Variants in AFF1 observed in about 807,000 individuals in gnomAD.
The protein encoded by AFF1 is ALF transcription elongation factor 1.
In AFF1, 48 loss-of-function variants were observed where a neutral mutation model predicts 121.7. The ratio of observed to expected loss-of-function variants is 0.39; its 90% CI spans 0.31 to 0.50. The LOEUF is 0.50. Ranked by LOEUF, AFF1 falls within the 20% of genes least tolerant of loss-of-function variation. The pLI is 0.76. For synonymous variants in AFF1, 613 were observed against 563.0 expected (o/e 1.09, Z -1.26); for missense variants, 1,523 against 1,511.7 (o/e 1.01, Z -0.12).
At chr4:87,038,703 A>G (rs1054741700) in intron 2 of AFF1, among the ~76,000 whole-genome samples, 3 of 152,176 alleles carry the variant, frequency 2.0e-5, no homozygotes, top group African/African-American at 7.2e-5. Context: ...TGTACATTCA[A>G]ATCAGAATGG....
At chr4:87,068,801 AG>A (rs1721651711) in intron 4 of AFF1, among the ~76,000 whole-genome samples, 1 of 152,206 alleles carries the variant, frequency 6.6e-6, no homozygotes, top group Admixed American at 6.5e-5. Context: ...CTTTCCTGTA[AG>A]GGCCGCCATT....
intron 2 of AFF1, among the ~76,000 whole-genome samples, chr4:86,956,004 G>A (rs4536897): frequency 0.95 from 144,660 of 152,284 alleles, 69,053 homozygotes; most frequent in Non-Finnish European, 1. Flanking sequence ...TAAATCAAGG[G>A]CCAAACTTCT....
At chr4:86,949,629 C>G in intron 2 of AFF1, 1 of 1,474,170 alleles carries the variant, frequency 6.8e-7, no homozygotes, top group Non-Finnish European at 9.2e-7. Context: ...CAGAATGCCA[C>G]CGGGTTGAGG....
intron 8 of AFF1, 121 bp downstream of exon 8, chr4:87,095,090 T>C: frequency 2.5e-5 from 24 of 949,292 alleles, no homozygotes; most frequent in Non-Finnish European, 3.7e-5. Flanking sequence ...TGCTGCATTC[T>C]AAAGGGAAGA....
At chr4:86,962,373 G>C (rs936044339) in intron 2 of AFF1, among the ~76,000 whole-genome samples, 1 of 152,022 alleles carries the variant, frequency 6.6e-6, no homozygotes, top group African/African-American at 2.4e-5. Context: ...CCAAACTCTA[G>C]TTCTTTCATT....
chr4:87,019,885 G>GGGT (rs1553918039), intron 2 of AFF1, among the ~76,000 whole-genome samples: 2 of 31,518 alleles, frequency 6.3e-5, no homozygotes, highest in Non-Finnish European at 2.1e-4. Flanking sequence ...TGAAGGGGTC[G>GGGT]GGGGGGGGCA....
rs1292438835 is a variant in AFF1 at position 87,139,249 on chromosome 4, T to G, written c.*3548T>G. On this transcript the variant is annotated 3_prime_UTR_variant, in exon 21 of 21. Coordinates refer to ENST00000395146, the MANE Select transcript of AFF1 (RefSeq NM_001166693.3). ...GGCTTCAGGGATGCTACATGGCTCT[T>G]GCACCTTTTACTCCTCTGCTTTATG... 5 of 232,716 alleles carry G rather than the reference T, an allele frequency of 2.1e-5. No individual in the cohort carries two copies. The highest frequency in any genetic ancestry group is 1.1e-4 in the African/African-American group (5 of 45,336). 14.4% of individuals were successfully genotyped at this position (232,716 alleles called of 1,614,324 possible). A position where few individuals can be genotyped will look rare whatever the true frequency, so the allele number is the denominator to read the frequency against.
chr4:87,057,753 A>C (rs539201880), intron 4 of AFF1, among the ~76,000 whole-genome samples: 7 of 152,352 alleles, frequency 4.6e-5, no homozygotes, highest in Non-Finnish European at 8.8e-5. Flanking sequence ...AAGTGAATAA[A>C]GCCCCTAAGA....
In AFF1 at chr4:87,115,297, A is replaced by C; in HGVS notation, c.2464A>C (p.Lys822Gln). Reference sequence around the variant, plus strand: ...CTCAAGCAAGTTGGCCAAAAAGAGAAAGGTGAGTGTGGGGAGACTGCCCTG... The same window carrying C: ...CTCAAGCAAGTTGGCCAAAAAGAGACAGGTGAGTGTGGGGAGACTGCCCTG... Reference protein sequence around the residue: ...DSSSKLAKKRKGEAERDCDNK... With the variant: ...DSSSKLAKKRQGEAERDCDNK... The change falls in exon 12 of 21, where the codon AAG becomes CAG. Residue 822 changes from lysine (K) to glutamine (Q), a missense_variant and splice_region_variant. Physicochemically the swap from Lys to Gln is moderately conservative, Grantham distance 53 (BLOSUM62 1). Around this residue, in one of 5 missense-constraint regions of AFF1, gnomAD observed 905 missense variants for 842.5 expected, o/e 1.07. Transcript: ENST00000395146. The C allele has an allele frequency of 6.3e-7, 1 of 1,590,896 alleles. No homozygotes were observed. The highest frequency in any genetic ancestry group is 8.6e-7 in the Non-Finnish European group (1 of 1,168,742).
At chr4:86,936,404 G>T (rs1719997662) in intron 1 of AFF1, 1 of 152,256 alleles carries the variant, frequency 6.6e-6, no homozygotes, top group Non-Finnish European at 1.5e-5. Flanking sequence ...AGAAACGTTA[G>T]GTAGGAGTCT....
At chr4:87,102,055 G>T (rs1322266642) in intron 8 of AFF1, among the ~76,000 whole-genome samples, 1 of 137,430 alleles carries the variant, frequency 7.3e-6, no homozygotes, top group Non-Finnish European at 1.6e-5. Flanking sequence ...TTTAAGCTTT[G>T]CTAGAACAGC....
Position 87,127,128 on chromosome 4 carries a change from A to G in AFF1, c.2903+11A>G. ...AGTGAAGTTTGACAAGTAAGACTTC[A>G]GATGATTTCTTCTTGCTCTGTTTTG... On this transcript the variant is annotated intron_variant, in intron 15 of 20. Transcript: ENST00000395146. The G allele has an allele frequency of 6.3e-6, 10 of 1,591,526 alleles. No homozygotes were observed. Among genetic ancestry groups the G allele is most frequent in the Non-Finnish European group, 8.6e-6 (10 of 1,160,844 alleles).
intron 2 of AFF1, among the ~76,000 whole-genome samples, chr4:86,978,578 T>C (rs1723491823): frequency 6.6e-6 from 1 of 152,210 alleles, no homozygotes; most frequent in Non-Finnish European, 1.5e-5. Context: ...GGTCTTGCTC[T>C]GTTGCCCAAG....
At chr4:87,091,363 A>G (rs1724290453) in intron 6 of AFF1, among the ~76,000 whole-genome samples, 7 of 152,244 alleles carry the variant, frequency 4.6e-5, no homozygotes, top group Admixed American at 4.6e-4. Flanking sequence ...AGATTGCACC[A>G]CTGCACTCCA....
intron 8 of AFF1, among the ~76,000 whole-genome samples, chr4:87,098,617 A>G (rs567058846): frequency 3.9e-5 from 6 of 152,338 alleles, no homozygotes; most frequent in Admixed American, 1.3e-4. Context: ...TGTATATTCT[A>G]GCTAACTTGT....
chr4:87,081,724 C>T (rs1243391143), intron 4 of AFF1, among the ~76,000 whole-genome samples: 3 of 152,164 alleles, frequency 2.0e-5, no homozygotes, highest in Non-Finnish European at 4.4e-5. Context: ...CCTTCACTCC[C>T]ATAATGGACT....
intron 10 of AFF1, among the ~76,000 whole-genome samples, 195 bp downstream of exon 10, chr4:87,106,040 C>T (rs772495145): frequency 3.2e-4 from 49 of 152,174 alleles, no homozygotes; most frequent in Non-Finnish European, 6.3e-4. Context: ...CCTATAGAAG[C>T]GAGAGCCCCA....
chr4:87,060,275 A>G (rs1384889880), intron 4 of AFF1, among the ~76,000 whole-genome samples: 1 of 152,172 alleles, frequency 6.6e-6, no homozygotes, highest in Non-Finnish European at 1.5e-5. Flanking sequence ...TATGTGCTAT[A>G]AAAGTTGGAA....
intron 5 of AFF1, 56 bp downstream of exon 5, chr4:87,084,220 C>A: frequency 6.5e-7 from 1 of 1,548,188 alleles, no homozygotes; most frequent in Non-Finnish European, 8.9e-7. Flanking sequence ...GGTAGGCGTA[C>A]ATCCATTTAC....
Sources: gnomAD v4.1 joint callset for allele counts (sites outside exome capture counted in the v4.1 genomes callset) on GRCh38, gnomAD v4.1.1 for gene constraint, gnomAD v4.1.1 regional missense constraint, MANE v1.5 for transcripts, NCBI Gene and HGNC (gene_info 2026-07-23, HGNC 2026-07-21) for gene names.